PTPRG: variants seen among roughly 807,000 people sequenced by gnomAD.
The protein encoded by PTPRG is protein tyrosine phosphatase receptor type G.
Under a neutral mutation model 165.3 loss-of-function variants are expected in PTPRG, and 102 were observed. That is an observed-to-expected ratio of 0.62 (90% CI 0.53 to 0.73). The LOEUF (loss-of-function observed/expected upper bound fraction) is 0.73, where lower values mean the gene tolerates loss of function less well. Ranked by LOEUF, PTPRG falls within the 30% of genes least tolerant of loss-of-function variation. The probability of loss-of-function intolerance (pLI) is 0.00; values close to 1 mark genes in which losing one functional copy is unlikely to be tolerated. For synonymous variants in PTPRG, 675 were observed against 669.5 expected (o/e 1.01, Z -0.13); for missense variants, 1,866 against 1,861.4 (o/e 1.00, Z -0.05).
intron 2 of PTPRG, among the ~76,000 whole-genome samples, chr3:61,763,857 A>G (rs1478850582): frequency 1.3e-5 from 2 of 152,178 alleles, no homozygotes; most frequent in African/African-American, 2.4e-5. Context: ...GTACTCTTCT[A>G]TAGTTACTAG....
chr3:61,968,728 C>A (rs1201492002), intron 2 of PTPRG, among the ~76,000 whole-genome samples: 1 of 152,076 alleles, frequency 6.6e-6, no homozygotes, highest in Non-Finnish European at 1.5e-5. Context: ...ACTTTACTTT[C>A]TTCATCTGTT....
intron 1 of PTPRG, among the ~76,000 whole-genome samples, chr3:61,745,193 G>C (rs1337775848): frequency 1.3e-5 from 2 of 151,876 alleles, no homozygotes; most frequent in Non-Finnish European, 2.9e-5. Flanking sequence ...TGGGACTGCA[G>C]GCGTGCCACC....
chr3:61,754,460 C>T (rs2033565855), intron 2 of PTPRG, among the ~76,000 whole-genome samples: 1 of 152,170 alleles, frequency 6.6e-6, no homozygotes, highest in African/African-American at 2.4e-5. Context: ...GCGTGTGTCT[C>T]ATTTCCCCGG....
chr3:61,853,059 A>T (rs2037008981), intron 2 of PTPRG, among the ~76,000 whole-genome samples: 1 of 152,202 alleles, frequency 6.6e-6, no homozygotes, highest in Non-Finnish European at 1.5e-5. Flanking sequence ...AGGGGATAGG[A>T]TAGTGACCAA....
intron 2 of PTPRG, among the ~76,000 whole-genome samples, chr3:61,966,705 G>T (rs9817604): frequency 2.0e-5 from 3 of 151,836 alleles, no homozygotes; most frequent in Admixed American, 6.6e-5. Context: ...GCTACACTCT[G>T]TGGGAACAAT....
At chr3:61,843,066 C>G (rs2036686179) in intron 2 of PTPRG, among the ~76,000 whole-genome samples, 1 of 152,174 alleles carries the variant, frequency 6.6e-6, no homozygotes, top group Non-Finnish European at 1.5e-5. Flanking sequence ...TACTACTTCC[C>G]ACTTCATAGA....
intron 15 of PTPRG, among the ~76,000 whole-genome samples, chr3:62,246,174 T>C (rs933595669): frequency 5.9e-5 from 9 of 152,298 alleles, no homozygotes; most frequent in African/African-American, 2.2e-4. Flanking sequence ...TGTATTCAAT[T>C]GTACCTCAGT....
At chr3:61,654,403 G>T (rs959680520) in intron 1 of PTPRG, among the ~76,000 whole-genome samples, 1 of 151,152 alleles carries the variant, frequency 6.6e-6, no homozygotes. Context: ...TTCTTTTTTT[G>T]AGACAGGGTC....
At chr3:61,692,818 G>A (rs1048553329) in intron 1 of PTPRG, among the ~76,000 whole-genome samples, 2 of 152,318 alleles carry the variant, frequency 1.3e-5, no homozygotes, top group African/African-American at 2.4e-5. Flanking sequence ...CCATCTGGAT[G>A]TGTACGTGCA....
chr3:61,766,689 T>G (rs1391131278), intron 2 of PTPRG, among the ~76,000 whole-genome samples: 1 of 152,016 alleles, frequency 6.6e-6, no homozygotes, highest in East Asian at 2.0e-4. Flanking sequence ...TAATCTCTGG[T>G]CACTGCAACC....
intron 2 of PTPRG, among the ~76,000 whole-genome samples, chr3:61,879,185 A>T (rs756922412): frequency 3.3e-5 from 5 of 152,238 alleles, no homozygotes; most frequent in Non-Finnish European, 7.3e-5. Flanking sequence ...AATGCTGTTC[A>T]CTTTACATGG....
intron 8 of PTPRG, among the ~76,000 whole-genome samples, chr3:62,170,922 C>A (rs1705191848): frequency 6.6e-6 from 1 of 152,106 alleles, no homozygotes; most frequent in African/African-American, 2.4e-5. Context: ...TCTCAGGACT[C>A]CCCCATCATC....
intron 2 of PTPRG, among the ~76,000 whole-genome samples, chr3:61,868,843 A>G (rs953995367): frequency 1.0e-4 from 15 of 150,402 alleles, no homozygotes; most frequent in African/African-American, 3.7e-4. Flanking sequence ...AAATGGTCTC[A>G]TGTTTAATTC....
At chr3:61,587,379 C>G (rs572375237) in intron 1 of PTPRG, among the ~76,000 whole-genome samples, 2 of 152,126 alleles carry the variant, frequency 1.3e-5, no homozygotes, top group African/African-American at 2.4e-5. Context: ...CACATACACT[C>G]TTTCTGTCAG....
intron 2 of PTPRG, among the ~76,000 whole-genome samples, chr3:61,887,170 A>ATATATATATATTTTTTTT (rs60282456): frequency 4.3e-5 from 5 of 115,522 alleles, no homozygotes; most frequent in African/African-American, 1.6e-4. Context: ...ATATATATAT[A>ATATATATATATTTTTTTT]TTTTTAATGC....
chr3:61,866,701 C>T (rs1575735139), intron 2 of PTPRG, among the ~76,000 whole-genome samples: 2 of 144,804 alleles, frequency 1.4e-5, no homozygotes, highest in African/African-American at 2.5e-5. Flanking sequence ...CTAGTTCAAG[C>T]GATTCTCCTG....
rs191366527 is a variant in PTPRG at position 62,080,986 on chromosome 3, G to A, written c.615+2728G>A. The stretch of plus-strand genomic sequence containing the variant: ...TAGAACATAATTAGAGGCCGGGCGC[G>A]GTGGCTCACACCTGTAATCCCAGCA... On this transcript the variant is annotated intron_variant, in intron 5 of 29. Coordinates refer to ENST00000474889, the MANE Select transcript of PTPRG (RefSeq NM_002841.4). 1.3e-4 allele frequency among the ~76,000 whole-genome samples: 20 copies of A among 152,156 alleles called. No individual in the cohort carries two copies. In the East Asian group the frequency reaches 3.3e-3, roughly 25 times the overall value.
At chr3:62,160,489 C>G (rs1017233914) in intron 7 of PTPRG, among the ~76,000 whole-genome samples, 2 of 152,238 alleles carry the variant, frequency 1.3e-5, no homozygotes, top group African/African-American at 4.8e-5. Flanking sequence ...ATCATGTCCC[C>G]CAAACAAAAT....
intron 5 of PTPRG, among the ~76,000 whole-genome samples, chr3:62,085,823 T>A (rs1701734398): frequency 6.6e-6 from 1 of 152,244 alleles, no homozygotes; most frequent in Non-Finnish European, 1.5e-5. Context: ...CTTAAGCACC[T>A]TCTCTGTGCC....
Sources: gnomAD v4.1 joint callset for allele counts (sites outside exome capture counted in the v4.1 genomes callset) on GRCh38, gnomAD v4.1.1 for gene constraint, MANE v1.5 for transcripts, NCBI Gene and HGNC (gene_info 2026-07-23, HGNC 2026-07-21) for gene names.